The following SMYD3 variants were observed in gnomAD, a reference collection of about 807,000 sequenced individuals.
SMYD3 encodes the protein histone-lysine N-methyltransferase SMYD3.
A neutral mutation model predicts 57.7 loss-of-function variants in SMYD3; 36 were observed. That is an observed-to-expected ratio of 0.62 (90% CI 0.48 to 0.82). SMYD3 has a LOEUF of 0.82. SMYD3 is among the 40% of genes least tolerant of loss of function. The probability of loss-of-function intolerance (pLI) is 0.00; values close to 1 mark genes in which losing one functional copy is unlikely to be tolerated. For synonymous variants in SMYD3, 211 were observed against 195.0 expected (o/e 1.08, Z -0.68); for missense variants, 515 against 538.8 (o/e 0.96, Z 0.44).
intron 5 of SMYD3, among the ~76,000 whole-genome samples, chr1:246,010,430 T>C (rs1364172852): frequency 4.6e-5 from 7 of 152,200 alleles, no homozygotes; most frequent in Non-Finnish European, 1.0e-4. Flanking sequence ...TTGATCAACA[T>C]GTATCCAGAG....
intron 11 of SMYD3, among the ~76,000 whole-genome samples, chr1:245,755,361 T>C (rs1250775739): frequency 2.0e-5 from 3 of 152,334 alleles, no homozygotes; most frequent in Admixed American, 6.5e-5. Context: ...GTGCATTCTG[T>C]TATTGCTGGG....
At position 246,186,027 on chromosome 1, in the gene SMYD3, A is replaced by AT. The variant is rs112643364; in HGVS notation, c.531+141173dup. On this transcript the variant is annotated intron_variant, in intron 5 of 11. Coordinates refer to ENST00000490107, the MANE Select transcript of SMYD3 (RefSeq NM_001167740.2). ...AGGTTTGTCTCGGTCAAATCTCACC[A>AT]TTTTTTTTAAATGAGGAAAACCAGA... 1.6e-3 allele frequency among the ~76,000 whole-genome samples: 246 copies of AT among 152,054 alleles called. 1 individual carries two copies. The highest frequency in any genetic ancestry group is 5.6e-3 in the African/African-American group (231 of 41,476).
chr1:245,827,084 G>A (rs879402175), intron 10 of SMYD3, among the ~76,000 whole-genome samples: 9 of 152,134 alleles, frequency 5.9e-5, no homozygotes, highest in Non-Finnish European at 7.3e-5. Flanking sequence ...CTCACACTGC[G>A]CTAACGGAGC....
Position 246,457,550 on chromosome 1 carries a change from A to AG in SMYD3, c.164+49503_164+49504insC, listed in dbSNP as rs1307223841. Among the ~76,000 whole-genome samples, 6 of 75,744 alleles carry AG rather than the reference A, an allele frequency of 7.9e-5. 1 individual carries two copies. The highest frequency in any genetic ancestry group is 3.6e-4 in the South Asian group (1 of 2,750). The allele number at this position is 75,744 out of a possible 152,430, so 49.7% of individuals were successfully genotyped here. On this transcript the variant is annotated intron_variant, in intron 1 of 11. Transcript: ENST00000490107. ...TCTGCCTCAAAAAAAAAAAAAAAAGAAAAGAAAAGAAAAGAAAAGAAAAGA... is the reference window on the plus strand; with the variant it reads ...TCTGCCTCAAAAAAAAAAAAAAAAGAGAAAGAAAAGAAAAGAAAAGAAAAGA...
Position 245,985,153 on chromosome 1 carries a change from G to C in SMYD3, c.532-55216C>G, listed in dbSNP as rs531931688. On this transcript the variant is annotated intron_variant, in intron 5 of 11. Coordinates refer to ENST00000490107, the MANE Select transcript of SMYD3 (RefSeq NM_001167740.2). ...TGCCTCCCTTTTGGTCTCCCGTCCT[G>C]GAATATCTGCTTTTCACCATCCCTA... 2.6e-5 allele frequency among the ~76,000 whole-genome samples: 4 copies of C among 152,126 alleles called. No homozygotes were observed. In the South Asian group the frequency reaches 8.3e-4, roughly 32 times the overall value.
intron 1 of SMYD3, among the ~76,000 whole-genome samples, chr1:246,474,248 G>A (rs370019791): frequency 9.1e-4 from 139 of 152,240 alleles, no homozygotes; most frequent in African/African-American, 3.2e-3. Context: ...GGCCGGGCGC[G>A]GTGGCTCATG....
chr1:245,899,408 C>A (rs2054040521), intron 8 of SMYD3, among the ~76,000 whole-genome samples: 1 of 152,142 alleles, frequency 6.6e-6, no homozygotes, highest in Admixed American at 6.5e-5. Flanking sequence ...CTCTCTTCCA[C>A]TAGAAAATAT....
intron 5 of SMYD3, among the ~76,000 whole-genome samples, chr1:246,175,167 C>A (rs2148262288): frequency 6.6e-6 from 1 of 152,278 alleles, no homozygotes; most frequent in African/African-American, 2.4e-5. Context: ...TACAGACAAA[C>A]ATTCATTTAT....
intron 5 of SMYD3, among the ~76,000 whole-genome samples, chr1:246,252,936 G>A (rs891470345): frequency 2.0e-5 from 3 of 152,226 alleles, no homozygotes; most frequent in Non-Finnish European, 4.4e-5. Flanking sequence ...CTTGTGACCC[G>A]CTAACAGCAT....
At chr1:246,240,933 A>G (rs555113333) in intron 5 of SMYD3, among the ~76,000 whole-genome samples, 7 of 152,144 alleles carry the variant, frequency 4.6e-5, no homozygotes, top group African/African-American at 1.7e-4. Context: ...ATTTTTGCAC[A>G]TCGATTTTGT....
intron 5 of SMYD3, among the ~76,000 whole-genome samples, chr1:245,982,941 T>G (rs544927114): frequency 6.6e-6 from 1 of 152,310 alleles, no homozygotes; most frequent in East Asian, 1.9e-4. Flanking sequence ...AATCCAAGAC[T>G]GCTGTCAGAA....
chr1:246,495,560 A>G (rs895853875), intron 1 of SMYD3, among the ~76,000 whole-genome samples: 5 of 152,154 alleles, frequency 3.3e-5, no homozygotes, highest in African/African-American at 1.2e-4. Context: ...AAACACAAAG[A>G]GGGAAAAAGT....
intron 5 of SMYD3, among the ~76,000 whole-genome samples, chr1:246,199,495 G>C (rs1292368035): frequency 6.6e-6 from 1 of 152,196 alleles, no homozygotes; most frequent in Non-Finnish European, 1.5e-5. Flanking sequence ...CAGCCAACCA[G>C]GCTATTTTAA....
At chr1:246,248,178 C>G (rs142388908) in intron 5 of SMYD3, among the ~76,000 whole-genome samples, 3 of 152,034 alleles carry the variant, frequency 2.0e-5, no homozygotes, top group African/African-American at 7.2e-5. Context: ...GAAAAGCAAC[C>G]GTAAGAAAAT....
intron 10 of SMYD3, among the ~76,000 whole-genome samples, chr1:245,771,706 A>G (rs1030841704): frequency 2.0e-5 from 3 of 152,230 alleles, no homozygotes; most frequent in African/African-American, 7.2e-5. Context: ...ATGAAGAGGC[A>G]CATAGAGTCA....
chr1:246,240,488 C>T (rs1364069919), intron 5 of SMYD3, among the ~76,000 whole-genome samples: 1 of 152,136 alleles, frequency 6.6e-6, no homozygotes, highest in Non-Finnish European at 1.5e-5. Context: ...GTTTTGGTTA[C>T]TGTAGCCTTG....
Position 246,180,664 on chromosome 1 carries a change from C to T in SMYD3, c.531+146537G>A, listed in dbSNP as rs188713161. Among the ~76,000 whole-genome samples, 9 of 145,618 alleles carry T rather than the reference C, an allele frequency of 6.2e-5. No homozygotes were observed. In the East Asian group the frequency reaches 1.9e-3, roughly 31 times the overall value. ...GTCCCAGCTACTTGAGAGGCTAACG[C>T]AGGAGAACAGCTTGAACCTGGGAGG... On this transcript the variant is annotated intron_variant, in intron 5 of 11. Transcript: ENST00000490107.
intron 5 of SMYD3, among the ~76,000 whole-genome samples, chr1:246,177,243 G>A (rs1484336602): frequency 6.6e-6 from 1 of 152,142 alleles, no homozygotes; most frequent in Non-Finnish European, 1.5e-5. Flanking sequence ...TCAATTATGA[G>A]CAAATTTACA....
chr1:245,764,449 G>A lies in SMYD3; in HGVS notation c.1077-300C>T, dbSNP rs1273936655. Among the ~76,000 whole-genome samples, 6 of 151,894 alleles carry A rather than the reference G, an allele frequency of 4.0e-5. No individual in the cohort carries two copies. In the East Asian group the frequency reaches 9.7e-4, roughly 25 times the overall value. ...GGAGCTCTGCGTTGATATTTGGGAG[G>A]GGTGGGGCGGGGAGAACAGGTGCTA... On this transcript the variant is annotated intron_variant, in intron 10 of 11. Transcript: ENST00000490107.
Sources: allele counts gnomAD v4.1 joint callset (sites outside exome capture counted in the v4.1 genomes callset), GRCh38; gene constraint gnomAD v4.1.1; transcripts MANE v1.5; gene names NCBI Gene and HGNC (gene_info 2026-07-23, HGNC 2026-07-21).